Variants in TPP2 observed in about 807,000 individuals in gnomAD.
TPP2 encodes the protein tripeptidyl-peptidase 2.
Under a neutral mutation model 155.9 loss-of-function variants are expected in TPP2, and 34 were observed. The ratio of observed to expected loss-of-function variants is 0.22; its 90% CI spans 0.17 to 0.29. The LOEUF (loss-of-function observed/expected upper bound fraction) is 0.29, where lower values mean the gene tolerates loss of function less well. TPP2 is among the 10% of genes least tolerant of loss of function. The pLI, the probability that TPP2 is intolerant of heterozygous loss-of-function variation, is 1.00. For missense variants in TPP2, 1,028 were observed against 1,522.3 expected (o/e 0.68, Z 5.40); for synonymous variants, 510 against 529.4 (o/e 0.96, Z 0.50).
chr13:102,674,255 C>G (rs1378879083), intron 27 of TPP2, 28 bp from the exon 28 acceptor site: 2 of 1,590,234 alleles, frequency 1.3e-6, no homozygotes, highest in Middle Eastern at 1.7e-4. Context: ...TTACTGATAT[C>G]TGAAATATTT....
At chr13:102,639,892 C>T (rs944360210) in intron 15 of TPP2, among the ~76,000 whole-genome samples, 5 of 152,120 alleles carry the variant, frequency 3.3e-5, no homozygotes, top group African/African-American at 1.2e-4. Flanking sequence ...GCTATAATAC[C>T]AGTGACATAA....
At chr13:102,643,429 A>G (rs534685894) in intron 17 of TPP2, 53 bp downstream of exon 17, 4 of 1,501,972 alleles carry the variant, frequency 2.7e-6, no homozygotes, top group East Asian at 2.4e-5. Flanking sequence ...CCTTTTTGGT[A>G]TGGGCTAAGA....
chr13:102,613,058 A>G (rs1184475564), intron 2 of TPP2, among the ~76,000 whole-genome samples: 1 of 152,216 alleles, frequency 6.6e-6, no homozygotes, highest in African/African-American at 2.4e-5. Context: ...AAAGTTCAGA[A>G]TTCCTATTCT....
At chr13:102,600,396 C>T (rs1195047416) in intron 1 of TPP2, among the ~76,000 whole-genome samples, 1 of 151,898 alleles carries the variant, frequency 6.6e-6, no homozygotes, top group Non-Finnish European at 1.5e-5. Context: ...CGCGCCCCCT[C>T]CCCCCACCAC....
intron 14 of TPP2, among the ~76,000 whole-genome samples, chr13:102,637,541 CTTGTTG>C (rs11272845): frequency 2.1e-4 from 31 of 150,974 alleles, no homozygotes; most frequent in Admixed American, 2.0e-3. Flanking sequence ...GCTGCAGTTG[CTTGTTG>C]TTGTTGTTGT....
At chr13:102,647,506 G>A (rs1883195091) in intron 21 of TPP2, among the ~76,000 whole-genome samples, 162 bp downstream of exon 21, 2 of 152,080 alleles carry the variant, frequency 1.3e-5, no homozygotes, top group African/African-American at 4.8e-5. Context: ...TGTTGTAGTC[G>A]GTGAAGAACA....
chr13:102,678,212 T>C lies in TPP2; in HGVS notation c.3700-15T>C. ...CACTTCCTTTATAATAATATATTAT[T>C]GTATTTTGTTGTAGCTGATGAAGTT... On this transcript the variant is annotated splice_polypyrimidine_tract_variant and intron_variant, in intron 29 of 29. Transcript: ENST00000376052. The C allele has an allele frequency of 6.3e-7, 1 of 1,597,254 alleles. No homozygotes were observed. The highest frequency in any genetic ancestry group is 8.5e-7 in the Non-Finnish European group (1 of 1,172,534).
chr13:102,622,880 C>G lies in TPP2; in HGVS notation c.624C>G (p.Ala208=), dbSNP rs771574618. 6.2e-7 allele frequency: 1 copy of G among 1,607,004 alleles called. No homozygotes were observed. Among genetic ancestry groups the G allele is most frequent in the African/African-American group, 1.3e-5 (1 of 74,314 alleles). ...TCCATTTCTTTTTAATTAATAGAGC[C>G]TGCATTGATTCTAATGAAGATGGGG... The part of the protein sequence containing the change: ...LVWHDGEVWR[A]CIDSNEDGDL... The change falls in exon 6 of 30, where the codon GCC becomes GCG. Residue 208 remains alanine, a synonymous_variant. Coordinates refer to ENST00000376052, the MANE Select transcript of TPP2 (RefSeq NM_001330588.2).
Position 102,678,536 on chromosome 13 carries a change from C to A in TPP2, c.*220C>A. 2.3e-6 allele frequency: 1 copy of A among 440,666 alleles called. No individual in the cohort carries two copies. The highest frequency in any genetic ancestry group is 4.0e-6 in the Non-Finnish European group (1 of 247,542). 27.3% of individuals were successfully genotyped at this position (440,666 alleles called of 1,614,324 possible). A position where few individuals can be genotyped will look rare whatever the true frequency, so the allele number is the denominator to read the frequency against. ...GGTGTTTTCTTAATGCCTCACATTGCTGGCACGGGGATGTGCCCTGCCTGC... is the reference window on the plus strand; with the variant it reads ...GGTGTTTTCTTAATGCCTCACATTGATGGCACGGGGATGTGCCCTGCCTGC... On this transcript the variant is annotated 3_prime_UTR_variant, in exon 30 of 30. Coordinates refer to ENST00000376052, the MANE Select transcript of TPP2 (RefSeq NM_001330588.2).
chr13:102,629,638 G>C (rs769721434), intron 9 of TPP2, 29 bp downstream of exon 9: 1 of 1,546,846 alleles, frequency 6.5e-7, no homozygotes, highest in South Asian at 1.3e-5. Context: ...AAATAGATTT[G>C]TTTAGAAACA....
chr13:102,635,014 G>C (rs986749834), intron 11 of TPP2, among the ~76,000 whole-genome samples: 1 of 152,172 alleles, frequency 6.6e-6, no homozygotes, highest in African/African-American at 2.4e-5. Flanking sequence ...GAGAGGACAA[G>C]AATGATACAG....
chr13:102,662,513 G>GA (rs1003611216), intron 25 of TPP2, among the ~76,000 whole-genome samples: 7 of 151,148 alleles, frequency 4.6e-5, no homozygotes, highest in Non-Finnish European at 1.0e-4. Context: ...ACATTTTTTG[G>GA]AAAAAAAAAT....
At chr13:102,646,806 CA>C (rs1883135530) in intron 20 of TPP2, among the ~76,000 whole-genome samples, 1 of 152,116 alleles carries the variant, frequency 6.6e-6, no homozygotes, top group Non-Finnish European at 1.5e-5. Flanking sequence ...TAATGGAGGC[CA>C]GTGTAAATGC....
intron 1 of TPP2, among the ~76,000 whole-genome samples, chr13:102,599,332 T>C (rs1185133947): frequency 6.6e-6 from 1 of 152,244 alleles, no homozygotes; most frequent in Non-Finnish European, 1.5e-5. Flanking sequence ...ACTCAGATAT[T>C]GGCCTAAACA....
intron 20 of TPP2, 43 bp from the exon 21 acceptor site, chr13:102,647,164 T>G: frequency 3.3e-6 from 5 of 1,535,520 alleles, no homozygotes; most frequent in Non-Finnish European, 4.4e-6. Flanking sequence ...TATCAGAAAT[T>G]ATATGCAAAT....
intron 1 of TPP2, among the ~76,000 whole-genome samples, chr13:102,602,893 GT>G (rs956455991): frequency 6.6e-6 from 1 of 150,466 alleles, no homozygotes; most frequent in Non-Finnish European, 1.5e-5. Context: ...TGAGGATGGA[GT>G]TTTTTTGTTT....
At chr13:102,609,093 G>A (rs17634531) in intron 2 of TPP2, among the ~76,000 whole-genome samples, 9,481 of 152,260 alleles carry the variant, frequency 0.062, 365 homozygotes, top group East Asian at 0.11. Flanking sequence ...AAGTCTGGCC[G>A]TAGGTATTCA....
At chr13:102,667,453 T>C (rs1884683152) in intron 27 of TPP2, among the ~76,000 whole-genome samples, 1 of 152,156 alleles carries the variant, frequency 6.6e-6, no homozygotes, top group Non-Finnish European at 1.5e-5. Context: ...TCATCTAATA[T>C]AGAAGATGAA....
intron 23 of TPP2, among the ~76,000 whole-genome samples, chr13:102,651,010 C>T (rs113026200): frequency 0.023 from 3,543 of 152,264 alleles, 60 homozygotes; most frequent in Non-Finnish European, 0.033. Flanking sequence ...TATAAGAATG[C>T]ATAGGCAATG....
Sources: allele counts gnomAD v4.1 joint callset (sites outside exome capture counted in the v4.1 genomes callset), GRCh38; gene constraint gnomAD v4.1.1; transcripts MANE v1.5; gene names NCBI Gene and HGNC (gene_info 2026-07-23, HGNC 2026-07-21).